ZNF792: variants seen among roughly 807,000 people sequenced by gnomAD.
ZNF792 encodes the protein zinc finger protein 792.
In ZNF792, 14 loss-of-function variants were observed where a neutral mutation model predicts 13.1. The observed-to-expected ratio is 1.07, with a 90% CI of 0.71 to 1.67. The LOEUF is 1.67. Among genes scored for constraint, ZNF792 ranks in the 40% most tolerant of loss-of-function variants. The probability of loss-of-function intolerance (pLI) is 0.00; values close to 1 mark genes in which losing one functional copy is unlikely to be tolerated. For synonymous variants in ZNF792, 257 were observed against 292.0 expected (o/e 0.88, Z 1.22); for missense variants, 740 against 807.9 (o/e 0.92, Z 1.02).
intron 3 of ZNF792, 65 bp downstream of exon 3, chr19:34,960,170 G>T: frequency 1.3e-6 from 2 of 1,581,674 alleles, no homozygotes; most frequent in South Asian, 2.2e-5. Context: ...TAGGAGAGAA[G>T]ATGCTGGTAT....
chr19:34,962,948 C>G (rs2013548921), intron 1 of ZNF792, among the ~76,000 whole-genome samples: 1 of 152,212 alleles, frequency 6.6e-6, no homozygotes, highest in Non-Finnish European at 1.5e-5. Flanking sequence ...CTTCCCTCCT[C>G]TTTCTCACCC....
At chr19:34,960,599 C>T (rs1042600037) in intron 2 of ZNF792, 22 of 679,652 alleles carry the variant, frequency 3.2e-5, no homozygotes, top group African/African-American at 2.5e-4. Context: ...AGGGAATGGC[C>T]GAGTCAGAGG....
In ZNF792 at chr19:34,957,717, G is replaced by A. The variant is rs962465733; in HGVS notation, c.*239C>T. The A allele has an allele frequency of 1.1e-4, 53 of 467,114 alleles. No individual in the cohort carries two copies. The highest frequency in any genetic ancestry group is 7.5e-4 in the African/African-American group (38 of 50,746). 28.9% of individuals were successfully genotyped at this position (467,114 alleles called of 1,614,324 possible). A position where few individuals can be genotyped will look rare whatever the true frequency, so the allele number is the denominator to read the frequency against. On this transcript the variant is annotated 3_prime_UTR_variant, in exon 4 of 4. Coordinates refer to ENST00000404801, the MANE Select transcript of ZNF792 (RefSeq NM_175872.5). ...CATGGCTAAACCAGCCATACAGGGC[G>A]GGAATGACATCTTCCCAAGGCTTCA...
chr19:34,961,066 C>T, intron 1 of ZNF792, 72 bp from the exon 2 acceptor site: 1 of 1,547,526 alleles, frequency 6.5e-7, no homozygotes, highest in Non-Finnish European at 8.8e-7. Flanking sequence ...CCCCTGCTCA[C>T]TCTCCTCCCC....
At chr19:34,961,103 G>A (rs2013522101) in intron 1 of ZNF792, 109 bp from the exon 2 acceptor site, 1 of 1,476,182 alleles carries the variant, frequency 6.8e-7, no homozygotes, top group Non-Finnish European at 9.1e-7. Flanking sequence ...GAGGTAGCAG[G>A]CCCTGGTTCT....
At chr19:34,963,573 A>G in intron 1 of ZNF792, 57 bp downstream of exon 1, 3 of 1,580,028 alleles carry the variant, frequency 1.9e-6, no homozygotes, top group Admixed American at 1.9e-5. Flanking sequence ...GCGTCTCAAC[A>G]CCGAGAACAG....
At position 34,958,957 on chromosome 19, in the gene ZNF792, G is replaced by GT. The variant is rs1273717192; in HGVS notation, c.897dup (p.His300ThrfsTer7). ...TTTCCTCTATTGTGAACTTTCTGGT[G>GT]TTGAGTGAGGTCAGCGGCGTAAGTG... On this transcript the variant is annotated frameshift_variant, in exon 4 of 4. Coordinates refer to ENST00000404801, the MANE Select transcript of ZNF792 (RefSeq NM_175872.5). LOFTEE classifies it low-confidence loss of function (END_TRUNC). 1.2e-6 allele frequency: 2 copies of GT among 1,614,182 alleles called. No individual in the cohort carries two copies. Among genetic ancestry groups the GT allele is most frequent in the Admixed American group, 3.3e-5 (2 of 60,026 alleles).
At chr19:34,960,406 C>G in intron 2 of ZNF792, 49 bp from the exon 3 acceptor site, 1 of 1,598,118 alleles carries the variant, frequency 6.3e-7, no homozygotes, top group Non-Finnish European at 8.5e-7. Context: ...CCCAGTTGAA[C>G]TACCCCATGA....
intron 1 of ZNF792, among the ~76,000 whole-genome samples, chr19:34,962,049 G>T (rs2013535784): frequency 6.6e-6 from 1 of 152,064 alleles, no homozygotes; most frequent in Admixed American, 6.5e-5. Context: ...TTCCTCACCT[G>T]TCTTTATGAT....
rs2013507659 is a variant in ZNF792, at chr19:34,960,319, C to T, written c.199G>A (p.Glu67Lys). 1.2e-6 allele frequency: 2 copies of T among 1,613,740 alleles called. No homozygotes were observed. Among genetic ancestry groups the T allele is most frequent in the Non-Finnish European group, 8.5e-7 (1 of 1,179,800 alleles). ...GGCACCCAGGGCTCTTTCCCCATCT[C>T]CAACTGGGAAACGATGTGGGACCTG... ...SFRSHIVSQL[E>K]MGKEPWVPDS... is the part of the protein sequence containing the mutation. Residue 67 changes from glutamate (E) to lysine (K), a missense_variant, in exon 3 of 4, where the codon GAG becomes AAG. Transcript: ENST00000404801.
Position 34,957,848 on chromosome 19 carries a change from G to T in ZNF792, c.*108C>A. 8.9e-7 allele frequency: 1 copy of T among 1,125,470 alleles called. No individual in the cohort carries two copies. 69.7% of individuals were successfully genotyped at this position (1,125,470 alleles called of 1,614,324 possible). A position where few individuals can be genotyped will look rare whatever the true frequency, so the allele number is the denominator to read the frequency against. ...ACTCTTTGGAGAGCTGCAGTGTGTG[G>T]TGCTGACATGGCTTCTATCACAACC... On this transcript the variant is annotated 3_prime_UTR_variant, in exon 4 of 4. Coordinates refer to ENST00000404801, the MANE Select transcript of ZNF792 (RefSeq NM_175872.5).
At chr19:34,961,442 T>A (rs1193050338) in intron 1 of ZNF792, among the ~76,000 whole-genome samples, 2 of 151,990 alleles carry the variant, frequency 1.3e-5, no homozygotes, top group Admixed American at 1.3e-4. Flanking sequence ...ATCCTAGCCA[T>A]CTCCATGGGC....
Position 34,956,789 on chromosome 19 carries a change from T to C in ZNF792, c.*1167A>G, listed in dbSNP as rs2151681517. ...ATCTGCTTTTTCTCAGTCCCTATTTTCCTGCCAGCACAGCACTGGCCTTCA... is the reference window on the plus strand; with the variant it reads ...ATCTGCTTTTTCTCAGTCCCTATTTCCCTGCCAGCACAGCACTGGCCTTCA... On this transcript the variant is annotated 3_prime_UTR_variant, in exon 4 of 4. Transcript: ENST00000404801. 1 of 152,308 alleles carries C rather than the reference T, an allele frequency of 6.6e-6. No homozygotes were observed. Among genetic ancestry groups the C allele is most frequent in the Non-Finnish European group, 1.5e-5 (1 of 68,026 alleles). 9.4% of individuals were successfully genotyped at this position (152,308 alleles called of 1,614,324 possible).
At position 34,963,987 on chromosome 19, in the gene ZNF792, C is replaced by T. The variant is rs960028093; in HGVS notation, c.-325G>A. On this transcript the variant is annotated 5_prime_UTR_variant, in exon 1 of 4. Coordinates refer to ENST00000404801, the MANE Select transcript of ZNF792 (RefSeq NM_175872.5). ...AAAGCCGGCGGGGCAGCTTCACGGG[C>T]GTAGCCCCAGCCGCCCCGCCCCCAA... 3 of 329,834 alleles carry T rather than the reference C, an allele frequency of 9.1e-6. No homozygotes were observed. In the South Asian group the frequency reaches 2.6e-4, roughly 29 times the overall value. 20.4% of individuals were successfully genotyped at this position (329,834 alleles called of 1,614,324 possible).
In ZNF792 at chr19:34,958,146, G is replaced by A; in HGVS notation, c.1709C>T (p.Ala570Val). Reference sequence around the variant, plus strand: ...AATGAGGGTAGGCCTTTGGTTGAAGGCTTTCCCACATTCGCTGCATTCGTA... The same window carrying A: ...AATGAGGGTAGGCCTTTGGTTGAAGACTTTCCCACATTCGCTGCATTCGTA... ...RPYECSECGKAFNQRPTLIRH... is the reference protein window; with the variant it reads ...RPYECSECGKVFNQRPTLIRH... The change falls in exon 4 of 4, where the codon GCC (alanine) becomes GTC (valine). Residue 570 changes from alanine to valine, a missense_variant. By Grantham distance (64) the Ala-to-Val change is moderately conservative (BLOSUM62 0). Coordinates refer to ENST00000404801, the MANE Select transcript of ZNF792 (RefSeq NM_175872.5). The A allele has an allele frequency of 6.2e-7, 1 of 1,613,738 alleles. No homozygotes were observed. The highest frequency in any genetic ancestry group is 8.5e-7 in the Non-Finnish European group (1 of 1,179,720).
rs766303501 is a variant in ZNF792 at position 34,958,226 on chromosome 19, G to A, written c.1629C>T (p.Phe543=). 4 of 1,614,040 alleles carry A rather than the reference G, an allele frequency of 2.5e-6. No homozygotes were observed. The highest frequency in any genetic ancestry group is 2.2e-5 in the East Asian group (1 of 44,886). Residue 543 remains phenylalanine (F), a synonymous_variant, in exon 4 of 4, where the codon TTC becomes TTT. Transcript: ENST00000404801. ...GCTGCCTCAGATTGGACCTCTGCCT[G>A]AAGGTTTTCCCACATTCGCTGCACT... is the stretch of plus-strand genomic sequence containing the variant. The part of the protein sequence containing the change: ...PYECSECGKT[F]RQRSNLRQHL...
At chr19:34,962,660 T>C (rs2013545561) in intron 1 of ZNF792, among the ~76,000 whole-genome samples, 1 of 151,868 alleles carries the variant, frequency 6.6e-6, no homozygotes, top group Non-Finnish European at 1.5e-5. Flanking sequence ...GATAAGGGGG[T>C]TGGTTTCCTG....
intron 1 of ZNF792, 147 bp downstream of exon 1, chr19:34,963,483 A>G: frequency 8.7e-7 from 1 of 1,153,562 alleles, no homozygotes; most frequent in South Asian, 1.3e-5. Flanking sequence ...CCTAGCTGGG[A>G]GCAACTCCCT....
rs1337337152 is a variant in ZNF792 at position 34,963,933 on chromosome 19, C to T, written c.-271G>A. On this transcript the variant is annotated 5_prime_UTR_variant, in exon 1 of 4. Coordinates refer to ENST00000404801, the MANE Select transcript of ZNF792 (RefSeq NM_175872.5). ...TGGTGCAAAGGCGCGGAGGGGGTCC[C>T]GGCCTCACTGTCCCCCTCGCGGTCC... 2.3e-6 allele frequency: 1 copy of T among 428,702 alleles called. No homozygotes were observed. Among genetic ancestry groups the T allele is most frequent in the Non-Finnish European group, 4.1e-6 (1 of 242,348 alleles). 26.6% of individuals were successfully genotyped at this position (428,702 alleles called of 1,614,324 possible).
Sources: allele counts gnomAD v4.1 joint callset (sites outside exome capture counted in the v4.1 genomes callset), GRCh38; gene constraint gnomAD v4.1.1; transcripts MANE v1.5; gene names NCBI Gene and HGNC (gene_info 2026-07-23, HGNC 2026-07-21).